Variants in MGAT4C observed in about 807,000 individuals in gnomAD.
MGAT4C encodes MGAT4 family member C, also known as alpha-1,3-mannosyl-glycoprotein 4-beta-N-acetylglucosaminyltransferase C.
MGAT4C carries 19 observed loss-of-function variants against 40.1 expected under a neutral mutation model. The observed-to-expected ratio is 0.47, with a 90% CI of 0.33 to 0.70. MGAT4C has a LOEUF of 0.70. MGAT4C is among the 30% of genes least tolerant of loss of function. MGAT4C has a pLI of 0.02. For missense variants in MGAT4C, 491 were observed against 563.2 expected (o/e 0.87, Z 1.30); for synonymous variants, 181 against 187.1 (o/e 0.97, Z 0.27).
Position 86,050,601 on chromosome 12 carries a change from C to T in MGAT4C, c.-56-878G>A, listed in dbSNP as rs189202191. Reference sequence around the variant, plus strand: ...CATTATTCTTTCAGACAAGAGTCAACTGTGAACATTTATATACTCTTGAGG... The same window carrying T: ...CATTATTCTTTCAGACAAGAGTCAATTGTGAACATTTATATACTCTTGAGG... On this transcript the variant is annotated intron_variant, in intron 1 of 4. Transcript: ENST00000611864. Among the ~76,000 whole-genome samples, 412 of 152,092 alleles carry T rather than the reference C, an allele frequency of 2.7e-3. 6 individuals are homozygous for T. Among genetic ancestry groups the T allele is most frequent in the Admixed American group, 0.025 (381 of 15,220 alleles).
intron 2 of MGAT4C, among the ~76,000 whole-genome samples, chr12:86,542,898 T>C (rs991104724): frequency 6.6e-6 from 1 of 152,200 alleles, no homozygotes; most frequent in East Asian, 1.9e-4. Flanking sequence ...CTTAAAAACA[T>C]TTTAAACTTA....
At chr12:86,480,427 A>C (rs1957913085) in intron 2 of MGAT4C, among the ~76,000 whole-genome samples, 1 of 148,684 alleles carries the variant, frequency 6.7e-6, no homozygotes, top group East Asian at 1.9e-4. Flanking sequence ...CCAACATATA[A>C]ACATGTATGT....
intron 2 of MGAT4C, among the ~76,000 whole-genome samples, chr12:86,504,526 A>G (rs926583495): frequency 6.6e-6 from 1 of 151,186 alleles, no homozygotes; most frequent in Non-Finnish European, 1.5e-5. Context: ...TTCAGATTAG[A>G]TTGTTCCTCT....
intron 1 of MGAT4C, among the ~76,000 whole-genome samples, chr12:86,074,942 T>C (rs1434265529): frequency 1.3e-5 from 2 of 152,068 alleles, no homozygotes. Flanking sequence ...CAAAATGAGA[T>C]TTGGGTGGGG....
chr12:86,798,071 C>T (rs1952162512), intron 1 of MGAT4C, among the ~76,000 whole-genome samples: 1 of 151,812 alleles, frequency 6.6e-6, no homozygotes, highest in African/African-American at 2.4e-5. Context: ...AGGTGTATAT[C>T]ACATAATATA....
chr12:86,733,800 C>T (rs935148757), intron 1 of MGAT4C, among the ~76,000 whole-genome samples: 1 of 151,988 alleles, frequency 6.6e-6, no homozygotes, highest in Admixed American at 6.6e-5. Context: ...CCTTTAAAAC[C>T]TCTGAACTTA....
chr12:86,260,820 T>A (rs937873785), upstream of MGAT4C, among the ~76,000 whole-genome samples: 2 of 151,962 alleles, frequency 1.3e-5, no homozygotes, highest in Non-Finnish European at 2.9e-5. Context: ...ATTATTTAGA[T>A]CATTATTTAG....
intron 2 of MGAT4C, among the ~76,000 whole-genome samples, chr12:86,043,321 G>A (rs954153848): frequency 6.6e-6 from 1 of 152,148 alleles, no homozygotes. Context: ...AACCTCAAAA[G>A]TAGGAAAACT....
At chr12:86,542,053 A>G (rs1959170839) in intron 2 of MGAT4C, among the ~76,000 whole-genome samples, 1 of 152,224 alleles carries the variant, frequency 6.6e-6, no homozygotes, top group Non-Finnish European at 1.5e-5. Context: ...TAACTAGAAC[A>G]GTGGTTCTCA....
intron 2 of MGAT4C, among the ~76,000 whole-genome samples, chr12:86,504,739 T>C (rs1480850203): frequency 6.6e-6 from 1 of 152,042 alleles, no homozygotes; most frequent in Non-Finnish European, 1.5e-5. Flanking sequence ...TAGGCTAGAG[T>C]GCAGTGGCAT....
At chr12:86,262,434 C>A (rs1952678130) in intron 4 of MGAT4C, among the ~76,000 whole-genome samples, 1 of 152,044 alleles carries the variant, frequency 6.6e-6, no homozygotes, top group Admixed American at 6.6e-5. Flanking sequence ...CATTCCAGAT[C>A]AGCTATCCCT....
At chr12:86,478,467 A>C (rs1592896315) in intron 2 of MGAT4C, among the ~76,000 whole-genome samples, 1 of 152,272 alleles carries the variant, frequency 6.6e-6, no homozygotes, top group African/African-American at 2.4e-5. Context: ...AAGAGCAGTG[A>C]ACTAAGTAAA....
At chr12:86,274,909 A>G (rs945213962) in intron 4 of MGAT4C, among the ~76,000 whole-genome samples, 1 of 152,202 alleles carries the variant, frequency 6.6e-6, no homozygotes, top group African/African-American at 2.4e-5. Context: ...GAATAACAAA[A>G]GCTCTTCTTG....
chr12:86,376,419 G>T (rs866942791), intron 3 of MGAT4C, among the ~76,000 whole-genome samples: 12 of 151,658 alleles, frequency 7.9e-5, no homozygotes, highest in African/African-American at 2.7e-4. Context: ...GAAACAAAAA[G>T]ATTATTGTGT....
At chr12:86,723,811 T>C (rs1359666351) in intron 2 of MGAT4C, among the ~76,000 whole-genome samples, 1 of 152,222 alleles carries the variant, frequency 6.6e-6, no homozygotes, top group African/African-American at 2.4e-5. Context: ...AGTGCTATTG[T>C]AACATTTTTC....
At chr12:85,999,126 T>C (rs1292074910) in intron 2 of MGAT4C, among the ~76,000 whole-genome samples, 2 of 152,046 alleles carry the variant, frequency 1.3e-5, no homozygotes. Flanking sequence ...GAACTCCTCT[T>C]TATAAAACCA....
chr12:86,126,131 A>G (rs1043333757), intron 1 of MGAT4C, among the ~76,000 whole-genome samples: 2 of 152,034 alleles, frequency 1.3e-5, no homozygotes, highest in Non-Finnish European at 2.9e-5. Flanking sequence ...AAGACAAAGC[A>G]GAATAAAAAT....
At chr12:86,324,467 A>G (rs1236857272) in intron 4 of MGAT4C, among the ~76,000 whole-genome samples, 1 of 151,804 alleles carries the variant, frequency 6.6e-6, no homozygotes, top group Non-Finnish European at 1.5e-5. Flanking sequence ...TGATATATTT[A>G]TTATTGCTTT....
intron 2 of MGAT4C, among the ~76,000 whole-genome samples, chr12:86,518,472 A>C (rs1958736639): frequency 6.6e-6 from 1 of 152,226 alleles, no homozygotes; most frequent in African/African-American, 2.4e-5. Context: ...ATGAAATGCA[A>C]ATTAGCACAT....
Sources: allele counts gnomAD v4.1 joint callset (sites outside exome capture counted in the v4.1 genomes callset), GRCh38; gene constraint gnomAD v4.1.1; transcripts MANE v1.5; gene names NCBI Gene and HGNC (gene_info 2026-07-23, HGNC 2026-07-21).